Variants in KCTD16 observed in about 807,000 individuals in gnomAD.
KCTD16 encodes the protein BTB/POZ domain-containing protein KCTD16.
KCTD16 carries 13 observed loss-of-function variants against 33.2 expected under a neutral mutation model. The ratio of observed to expected loss-of-function variants is 0.39; its 90% CI spans 0.25 to 0.62. KCTD16 has a LOEUF of 0.62. KCTD16 is among the 20% of genes least tolerant of loss of function. KCTD16 has a pLI of 0.50. For missense variants in KCTD16, 441 were observed against 525.1 expected (o/e 0.84, Z 1.57); for synonymous variants, 197 against 195.3 (o/e 1.01, Z -0.07).
intron 3 of KCTD16, among the ~76,000 whole-genome samples, chr5:144,412,109 A>G (rs1449470150): frequency 6.6e-6 from 1 of 152,200 alleles, no homozygotes; most frequent in African/African-American, 2.4e-5. Context: ...ATGGAAAACT[A>G]TAACATTTCC....
At chr5:144,176,590 G>T (rs190173395) in intron 2 of KCTD16, among the ~76,000 whole-genome samples, 6,925 of 151,160 alleles carry the variant, frequency 0.046, 203 homozygotes, top group African/African-American at 0.089. Context: ...TTTTAGTAGA[G>T]ACGGGGTTTC....
chr5:144,351,902 T>C lies in KCTD16; in HGVS notation c.833-121758T>C, dbSNP rs1245890883. Among the ~76,000 whole-genome samples, 4 of 152,068 alleles carry C rather than the reference T, an allele frequency of 2.6e-5. No individual in the cohort carries two copies. The East Asian group carries it at 5.8e-4, about 22-fold the overall frequency. On this transcript the variant is annotated intron_variant, in intron 3 of 3. Transcript: ENST00000512467. ...TGTGGGGTGGGGAACTGGAAAGATA[T>C]TGGTCAAAGGTCACAAAATTTCAGT...
chr5:144,281,759 CT>C (rs1245887064), intron 3 of KCTD16, among the ~76,000 whole-genome samples: 2 of 152,060 alleles, frequency 1.3e-5, no homozygotes, highest in Non-Finnish European at 2.9e-5. Flanking sequence ...TCTACTTGAT[CT>C]TTTGATTACT....
intron 3 of KCTD16, among the ~76,000 whole-genome samples, chr5:144,343,871 C>T (rs910991046): frequency 1.2e-4 from 18 of 152,132 alleles, no homozygotes; most frequent in Admixed American, 1.1e-3. Context: ...TGTTTAGTTT[C>T]CATGTAGTAA....
chr5:144,435,760 G>T (rs754449512), intron 3 of KCTD16, among the ~76,000 whole-genome samples: 31 of 152,094 alleles, frequency 2.0e-4, no homozygotes, highest in Admixed American at 5.2e-4. Flanking sequence ...ATCCTTGGTA[G>T]AGGTGATTTT....
chr5:144,288,799 G>A (rs113397012), intron 3 of KCTD16, among the ~76,000 whole-genome samples: 18 of 152,118 alleles, frequency 1.2e-4, no homozygotes, highest in African/African-American at 3.6e-4. Flanking sequence ...GTTAAACCCC[G>A]TCTTTACTAA....
intron 3 of KCTD16, among the ~76,000 whole-genome samples, chr5:144,465,147 G>A (rs946773903): frequency 1.4e-5 from 2 of 147,678 alleles, no homozygotes; most frequent in Non-Finnish European, 3.0e-5. Flanking sequence ...TTTGATAAAT[G>A]TAGATCAGTC....
chr5:144,449,158 C>A (rs1382997544), intron 3 of KCTD16, among the ~76,000 whole-genome samples: 3 of 151,890 alleles, frequency 2.0e-5, no homozygotes, highest in African/African-American at 7.2e-5. Context: ...TCTAAGAGAG[C>A]AGATGGTCTC....
intron 3 of KCTD16, among the ~76,000 whole-genome samples, chr5:144,299,112 A>AC (rs1756149890): frequency 7.1e-5 from 1 of 14,014 alleles, no homozygotes; most frequent in Non-Finnish European, 1.3e-4. Context: ...ATATATATAT[A>AC]TATATATATA....
intron 3 of KCTD16, among the ~76,000 whole-genome samples, chr5:144,296,691 C>A (rs546823607): frequency 6.6e-6 from 1 of 152,006 alleles, no homozygotes; most frequent in South Asian, 2.1e-4. Flanking sequence ...AGCAGAAAAA[C>A]AAAAGAAAAC....
At chr5:144,265,268 A>G (rs1261869312) in intron 3 of KCTD16, among the ~76,000 whole-genome samples, 2 of 152,222 alleles carry the variant, frequency 1.3e-5, no homozygotes, top group Non-Finnish European at 2.9e-5. Context: ...AGCAGGTAAG[A>G]TAGTTAAAAA....
At chr5:144,236,593 A>G (rs763705518) in intron 3 of KCTD16, among the ~76,000 whole-genome samples, 25 of 152,184 alleles carry the variant, frequency 1.6e-4, no homozygotes, top group Non-Finnish European at 3.5e-4. Flanking sequence ...AAGATTACGA[A>G]AGGTGCCATC....
Position 144,473,917 on chromosome 5 carries a change from G to A in KCTD16, c.1090G>A (p.Asp364Asn). 4.3e-6 allele frequency: 7 copies of A among 1,613,910 alleles called. No individual in the cohort carries two copies. Among genetic ancestry groups the A allele is most frequent in the East Asian group, 2.2e-5 (1 of 44,824 alleles). ...ACAGTCAGAGATGCGGCGGAAAAGC[G>A]ACTTACTCCGGACTCTGACTTCAGG... ...IQQSEMRRKS[D>N]LLRTLTSGSR... is the part of the protein sequence containing the mutation. The change falls in exon 4 of 4, where the codon GAC (aspartate) becomes AAC (asparagine). Residue 364 changes from aspartate (D) to asparagine (N), a missense_variant. By Grantham distance (23) the Asp-to-Asn change is conservative. Transcript: ENST00000512467.
At chr5:144,246,237 G>T (rs1470248210) in intron 3 of KCTD16, among the ~76,000 whole-genome samples, 2 of 152,168 alleles carry the variant, frequency 1.3e-5, no homozygotes, top group African/African-American at 4.8e-5. Context: ...TCAATCCAGA[G>T]TGGGGCTTGT....
chr5:144,382,183 G>C (rs887169340), intron 3 of KCTD16, among the ~76,000 whole-genome samples: 8 of 152,072 alleles, frequency 5.3e-5, no homozygotes, highest in African/African-American at 1.9e-4. Flanking sequence ...CTTATACGTG[G>C]GAGTTAAACA....
intron 3 of KCTD16, among the ~76,000 whole-genome samples, chr5:144,282,130 TGA>T (rs1755624472): frequency 6.6e-6 from 1 of 152,166 alleles, no homozygotes; most frequent in African/African-American, 2.4e-5. Context: ...ATTAGAGGGT[TGA>T]GACTTTCACC....
intron 2 of KCTD16, among the ~76,000 whole-genome samples, chr5:144,203,820 A>G (rs1333378655): frequency 6.6e-6 from 1 of 152,246 alleles, no homozygotes; most frequent in Non-Finnish European, 1.5e-5. Context: ...TGAGCAGTGC[A>G]TGCCAAGTAA....
intron 2 of KCTD16, among the ~76,000 whole-genome samples, chr5:144,189,981 G>T (rs565177166): frequency 6.6e-6 from 1 of 152,258 alleles, no homozygotes. Context: ...CACCGGAAAA[G>T]GTTTTGGAGG....
intron 3 of KCTD16, among the ~76,000 whole-genome samples, chr5:144,406,353 TACAATTTAAC>T (rs1752809026): frequency 6.6e-6 from 1 of 152,362 alleles, no homozygotes; most frequent in East Asian, 1.9e-4. Flanking sequence ...GTTAGTTTGT[TACAATTTAAC>T]ACAAAGGAAA....
Sources: allele counts gnomAD v4.1 joint callset (sites outside exome capture counted in the v4.1 genomes callset), GRCh38; gene constraint gnomAD v4.1.1; transcripts MANE v1.5; gene names NCBI Gene and HGNC (gene_info 2026-07-23, HGNC 2026-07-21).